The following SAMMSON variants were observed in gnomAD, a reference collection of about 807,000 sequenced individuals.
SAMMSON encodes long intergenic non-protein coding RNA 1212.
At chr3:70,016,139 A>C (rs1356866710) in intron 3 of SAMMSON, among the ~76,000 whole-genome samples, 2 of 152,184 alleles carry the variant, frequency 1.3e-5, no homozygotes, top group South Asian at 2.1e-4. Context: ...GAATTGCCAC[A>C]CTGTCTTCCA....
intron 4 of SAMMSON, chr3:70,197,063 G>A: frequency 2.5e-6 from 1 of 398,442 alleles, no homozygotes; most frequent in East Asian, 3.6e-5. Context: ...TCCGAGGTGT[G>A]GTGATACCGG....
chr3:70,309,221 C>G (rs1283826056), intron 7 of SAMMSON, among the ~76,000 whole-genome samples: 1 of 151,926 alleles, frequency 6.6e-6, no homozygotes. Flanking sequence ...ACTTAAGAGC[C>G]CTGCAAATTT....
At chr3:70,372,753 T>A (rs1201460247) in intron 9 of SAMMSON, among the ~76,000 whole-genome samples, 1 of 152,202 alleles carries the variant, frequency 6.6e-6, no homozygotes, top group East Asian at 1.9e-4. Flanking sequence ...TAAATTTTCA[T>A]GAACTTAAAT....
At chr3:70,184,429 G>C (rs574350575) in intron 4 of SAMMSON, among the ~76,000 whole-genome samples, 1 of 152,296 alleles carries the variant, frequency 6.6e-6, no homozygotes, top group Admixed American at 6.5e-5. Flanking sequence ...ACAACCTTCG[G>C]AAAATGCTGA....
At chr3:70,067,403 A>G (rs992399313) in intron 3 of SAMMSON, among the ~76,000 whole-genome samples, 1 of 152,086 alleles carries the variant, frequency 6.6e-6, no homozygotes, top group Non-Finnish European at 1.5e-5. Context: ...GAGATTCAAG[A>G]AAAGGGTAAC....
intron 7 of SAMMSON, among the ~76,000 whole-genome samples, chr3:70,335,105 G>A (rs933365467): frequency 2.0e-5 from 3 of 151,496 alleles, no homozygotes; most frequent in Non-Finnish European, 4.4e-5. Context: ...TATGTAGAAT[G>A]GGTATAAAAG....
intron 3 of SAMMSON, among the ~76,000 whole-genome samples, chr3:70,065,477 A>C (rs2067206254): frequency 2.0e-5 from 3 of 152,080 alleles, no homozygotes; most frequent in Admixed American, 2.0e-4. Context: ...TATTAGATTG[A>C]GAGACTTCAA....
intron 2 of SAMMSON, among the ~76,000 whole-genome samples, chr3:70,410,180 C>T (rs1393912173): frequency 2.0e-5 from 3 of 152,326 alleles, no homozygotes; most frequent in East Asian, 1.9e-4. Context: ...CTCATGCTGT[C>T]GGCATCCATG....
intron 9 of SAMMSON, among the ~76,000 whole-genome samples, chr3:70,373,081 T>C (rs1160655273): frequency 6.6e-6 from 1 of 152,212 alleles, no homozygotes; most frequent in Non-Finnish European, 1.5e-5. Flanking sequence ...CTTTATTTGT[T>C]CTTTCTTCCT....
At position 70,150,624 on chromosome 3, in the gene SAMMSON, GA is replaced by G. The variant is rs528308956; in HGVS notation, n.507+79067del. ...TAGCAGGATTCATTCCATTATTCTAGAAAAAAAATAGCTATTTACTTTGTAC... is the reference window on the plus strand; with the variant it reads ...TAGCAGGATTCATTCCATTATTCTAGAAAAAAATAGCTATTTACTTTGTAC... On this transcript the variant is annotated intron_variant and non_coding_transcript_variant, in intron 4 of 9. Coordinates refer to ENST00000642114, the Ensembl canonical transcript of SAMMSON. Among the ~76,000 whole-genome samples the G allele has an allele frequency of 5.2e-3, 787 of 151,654 alleles. 6 individuals carry two copies. Among genetic ancestry groups the G allele is most frequent in the African/African-American group, 0.018 (739 of 41,378 alleles).
chr3:70,303,284 G>T (rs543510163), intron 7 of SAMMSON, among the ~76,000 whole-genome samples: 1 of 152,200 alleles, frequency 6.6e-6, no homozygotes, highest in South Asian at 2.1e-4. Flanking sequence ...CTCTCATTGT[G>T]TGTAGCATTA....
intron 7 of SAMMSON, among the ~76,000 whole-genome samples, chr3:70,310,077 A>G (rs928573797): frequency 3.9e-5 from 6 of 152,210 alleles, no homozygotes; most frequent in African/African-American, 7.2e-5. Context: ...GAGATTCATA[A>G]GAAAAACACA....
At chr3:70,295,897 C>T (rs141021815) in intron 7 of SAMMSON, among the ~76,000 whole-genome samples, 1 of 152,206 alleles carries the variant, frequency 6.6e-6, no homozygotes, top group African/African-American at 2.4e-5. Flanking sequence ...TGCCTTGTTT[C>T]CCATACTTGC....
intron 7 of SAMMSON, among the ~76,000 whole-genome samples, chr3:70,307,942 A>G (rs1702418004): frequency 6.6e-6 from 1 of 152,206 alleles, no homozygotes; most frequent in Non-Finnish European, 1.5e-5. Context: ...TGCTCCCTGC[A>G]TCACCTCCTT....
At chr3:70,430,774 T>A (rs1315301649) in intron 2 of SAMMSON, among the ~76,000 whole-genome samples, 1 of 152,156 alleles carries the variant, frequency 6.6e-6, no homozygotes, top group Non-Finnish European at 1.5e-5. Flanking sequence ...ATCAGATTAA[T>A]CAAGAATTTG....
intron 4 of SAMMSON, among the ~76,000 whole-genome samples, chr3:70,238,940 T>G (rs1012027484): frequency 6.6e-6 from 1 of 152,232 alleles, no homozygotes; most frequent in Non-Finnish European, 1.5e-5. Flanking sequence ...GATTAAATTC[T>G]CTAAATCTAA....
At chr3:70,286,583 C>G (rs1364800870) in intron 6 of SAMMSON, among the ~76,000 whole-genome samples, 1 of 151,690 alleles carries the variant, frequency 6.6e-6, no homozygotes, top group Non-Finnish European at 1.5e-5. Context: ...TAGTTTTTTC[C>G]AATTCTGTGA....
intron 1 of SAMMSON, chr3:70,009,284 T>G (rs2066943598): frequency 6.6e-6 from 1 of 151,272 alleles, no homozygotes; most frequent in South Asian, 2.1e-4. Flanking sequence ...TTTTTTTGGT[T>G]GGTAAGCTAT....
chr3:70,399,516 G>A (rs1344691634), intron 2 of SAMMSON, among the ~76,000 whole-genome samples: 1 of 152,090 alleles, frequency 6.6e-6, no homozygotes, highest in Non-Finnish European at 1.5e-5. Flanking sequence ...GAAATTAAAT[G>A]AAAACCCCAA....
Sources: gnomAD v4.1 joint callset for allele counts (sites outside exome capture counted in the v4.1 genomes callset) on GRCh38, gnomAD v4.1.1 for gene constraint, MANE v1.5 for transcripts, NCBI Gene and HGNC (gene_info 2026-07-23, HGNC 2026-07-21) for gene names.